ZNF276: variants seen among roughly 807,000 people sequenced by gnomAD.
ZNF276 encodes zinc finger protein 276.
Under a neutral mutation model 63.9 loss-of-function variants are expected in ZNF276, and 59 were observed. The ratio of observed to expected loss-of-function variants is 0.92; its 90% CI spans 0.75 to 1.15. The LOEUF (loss-of-function observed/expected upper bound fraction) is 1.15, where lower values mean the gene tolerates loss of function less well. Ranked by LOEUF, ZNF276 falls within the 50% of genes most tolerant of loss-of-function variation. ZNF276 has a pLI of 0.00. For missense variants in ZNF276, 1,084 were observed against 843.8 expected (o/e 1.28, Z -3.53); for synonymous variants, 496 against 348.4 (o/e 1.42, Z -4.72).
Position 89,740,735 on chromosome 16 carries a change from C to T in ZNF276, c.*2489C>T. The T allele has an allele frequency of 2.9e-6, 4 of 1,365,234 alleles. No homozygotes were observed. The highest frequency in any genetic ancestry group is 3.1e-6 in the Non-Finnish European group (3 of 962,178). 84.6% of individuals were successfully genotyped at this position (1,365,234 alleles called of 1,614,324 possible). A position where few individuals can be genotyped will look rare whatever the true frequency, so the allele number is the denominator to read the frequency against. On this transcript the variant is annotated 3_prime_UTR_variant, in exon 11 of 11. Coordinates refer to ENST00000443381, the MANE Select transcript of ZNF276 (RefSeq NM_001113525.2). ...TAGTCTGGAAACCCTGACTTGGAAG[C>T]TGGCTGCCTGGTGCCCCTGCCTGGC... is the stretch of plus-strand genomic sequence containing the variant.
At chr16:89,733,189 C>A in intron 6 of ZNF276, 113 bp from the exon 7 acceptor site, 1 of 1,015,174 alleles carries the variant, frequency 9.9e-7, no homozygotes, top group Non-Finnish European at 1.5e-6. Context: ...TCAGTCAGCA[C>A]AGAAGCAACT....
In ZNF276 at chr16:89,722,615, G is replaced by A; in HGVS notation, c.290G>A (p.Arg97Lys). The change falls in exon 2 of 11, where the codon AGG becomes AAG. Residue 97 changes from arginine to lysine, a missense_variant. Coordinates refer to ENST00000443381, the MANE Select transcript of ZNF276 (RefSeq NM_001113525.2). ...AGAAGCCTGCGCAGCATCTCCGAGAGGGCGCCTGGAGCGAGCATGGAGAGG... is the reference window on the plus strand; with the variant it reads ...AGAAGCCTGCGCAGCATCTCCGAGAAGGCGCCTGGAGCGAGCATGGAGAGG... ...SSRSLRSISE[R>K]APGASMERPS... 6.2e-7 allele frequency: 1 copy of A among 1,612,078 alleles called. No homozygotes were observed. Among genetic ancestry groups the A allele is most frequent in the Non-Finnish European group, 8.5e-7 (1 of 1,180,024 alleles).
At position 89,723,301 on chromosome 16, in the gene ZNF276, G is replaced by A; in HGVS notation, c.598G>A (p.Val200Met). 1 of 1,613,056 alleles carries A rather than the reference G, an allele frequency of 6.2e-7. No individual in the cohort carries two copies. The highest frequency in any genetic ancestry group is 1.6e-4 in the Middle Eastern group (1 of 6,062). The change falls in exon 4 of 11, where the codon GTG becomes ATG. Residue 200 changes from valine to methionine, a missense_variant. Physicochemically the swap from Val to Met is conservative, Grantham distance 21 (BLOSUM62 1). Transcript: ENST00000443381. ...CAGCCCCCAGTGCCTGCACGGCTTGGTGGGGTGGGTGCATGGACATGCGGC... is the reference window on the plus strand; with the variant it reads ...CAGCCCCCAGTGCCTGCACGGCTTGATGGGGTGGGTGCATGGACATGCGGC... Reference protein sequence around the residue: ...TSSPQCLHGLVGWVHGHAASC... With the variant: ...TSSPQCLHGLMGWVHGHAASC...
intron 4 of ZNF276, among the ~76,000 whole-genome samples, chr16:89,726,678 G>A (rs767008291): frequency 6.0e-5 from 9 of 150,588 alleles, no homozygotes; most frequent in Non-Finnish European, 1.0e-4. Flanking sequence ...TCGGAGTCTT[G>A]CTCTTTTGCC....
intron 6 of ZNF276, among the ~76,000 whole-genome samples, chr16:89,731,171 CAT>C (rs1408057075): frequency 6.6e-6 from 1 of 152,218 alleles, no homozygotes; most frequent in Non-Finnish European, 1.5e-5. Context: ...GTGAGGGGGA[CAT>C]GTGGCTAGGT....
rs1392995048 is a variant in ZNF276, at chr16:89,721,689, C to T, written c.49C>T (p.Gln17Ter). The T allele has an allele frequency of 7.1e-7, 1 of 1,401,806 alleles. No homozygotes were observed. The highest frequency in any genetic ancestry group is 9.3e-7 in the Non-Finnish European group (1 of 1,080,118). 86.8% of individuals were successfully genotyped at this position (1,401,806 alleles called of 1,614,324 possible). ...CTTCCTGTCTCCTGGGTCGTCCCGACAGTGCGGGGCCTCGGACGGCGGCGG... is the reference window on the plus strand; with the variant it reads ...CTTCCTGTCTCCTGGGTCGTCCCGATAGTGCGGGGCCTCGGACGGCGGCGG... ...GRFLSPGSSRQCGASDGGGGV... is the reference protein window; with the variant it reads ...GRFLSPGSSR Residue 17 changes from glutamine to a stop codon, truncating the protein, a stop_gained, in exon 1 of 11, where the codon CAG (glutamine) becomes TAG (stop). Coordinates refer to ENST00000443381, the MANE Select transcript of ZNF276 (RefSeq NM_001113525.2). LOFTEE classifies it high-confidence loss of function.
intron 9 of ZNF276, among the ~76,000 whole-genome samples, chr16:89,734,400 A>G (rs966045206): frequency 3.3e-5 from 5 of 152,256 alleles, no homozygotes; most frequent in African/African-American, 1.2e-4. Context: ...ATCTTGGCTC[A>G]CCACAACCTC....
At chr16:89,729,365 T>C in intron 6 of ZNF276, 47 bp downstream of exon 6, 1 of 1,542,946 alleles carries the variant, frequency 6.5e-7, no homozygotes, top group African/African-American at 1.4e-5. Flanking sequence ...TTGGGCGACC[T>C]AGACACCCGC....
Position 89,733,420 on chromosome 16 carries a change from C to T in ZNF276, c.1280+8C>T. ...GAAGCTTCGTTGTGAGAGGTGATGC[C>T]TGCAACGCGAGGCTCGCCCTGCCTG... is the stretch of plus-strand genomic sequence containing the variant. On this transcript the variant is annotated splice_region_variant and intron_variant, in intron 7 of 10. Coordinates refer to ENST00000443381, the MANE Select transcript of ZNF276 (RefSeq NM_001113525.2). 1 of 1,614,152 alleles carries T rather than the reference C, an allele frequency of 6.2e-7. No homozygotes were observed. The highest frequency in any genetic ancestry group is 8.5e-7 in the Non-Finnish European group (1 of 1,180,010).
Position 89,738,789 on chromosome 16 carries a change from C to G in ZNF276, c.*543C>G, listed in dbSNP as rs750141209. 3.1e-6 allele frequency: 5 copies of G among 1,612,964 alleles called. No individual in the cohort carries two copies. In the African/African-American group the frequency reaches 4.0e-5, roughly 13 times the overall value. On this transcript the variant is annotated 3_prime_UTR_variant, in exon 11 of 11. Coordinates refer to ENST00000443381, the MANE Select transcript of ZNF276 (RefSeq NM_001113525.2). The stretch of plus-strand genomic sequence containing the variant: ...GGGGAGGGGCTCTGGCAGAAATAGT[C>G]GAGTTGTATTGCCAGCCAGGCAGGC...
Position 89,739,604 on chromosome 16 carries a change from T to G in ZNF276, c.*1358T>G. ...CAACTCTGGACATCTCTGCCTATTA[T>G]CAGTGCTGGGGACACCCCTGGGGGT... is the stretch of plus-strand genomic sequence containing the variant. On this transcript the variant is annotated 3_prime_UTR_variant, in exon 11 of 11. Transcript: ENST00000443381. 1 of 1,540,952 alleles carries G rather than the reference T, an allele frequency of 6.5e-7. No homozygotes were observed. The highest frequency in any genetic ancestry group is 1.2e-5 in the South Asian group (1 of 83,858).
Position 89,740,496 on chromosome 16 carries a change from G to A in ZNF276, c.*2250G>A. 2.1e-6 allele frequency: 1 copy of A among 480,634 alleles called. No individual in the cohort carries two copies. The highest frequency in any genetic ancestry group is 3.7e-6 in the Non-Finnish European group (1 of 266,770). 29.8% of individuals were successfully genotyped at this position (480,634 alleles called of 1,614,324 possible). A position where few individuals can be genotyped will look rare whatever the true frequency, so the allele number is the denominator to read the frequency against. On this transcript the variant is annotated 3_prime_UTR_variant, in exon 11 of 11. Transcript: ENST00000443381. ...CTAAAAATACAAAAATTAGCCGGGTGTGACAGACTCACGCCTGTAATCCCA... is the reference window on the plus strand; with the variant it reads ...CTAAAAATACAAAAATTAGCCGGGTATGACAGACTCACGCCTGTAATCCCA...
chr16:89,722,051 C>A (rs990823441), intron 1 of ZNF276, among the ~76,000 whole-genome samples: 2 of 152,148 alleles, frequency 1.3e-5, no homozygotes, highest in African/African-American at 4.8e-5. Context: ...GCCCGGCCTC[C>A]CCGGCCGCGG....
Position 89,729,276 on chromosome 16 carries a change from C to T in ZNF276, c.1127C>T (p.Ala376Val), listed in dbSNP as rs757954711. The T allele has an allele frequency of 6.2e-7, 1 of 1,614,120 alleles. No individual in the cohort carries two copies. The highest frequency in any genetic ancestry group is 1.3e-5 in the African/African-American group (1 of 75,040). ...GATGAAAATGACAAGAAGCAAAATG[C>T]CCAGTCTTCGGACGAGTCCTTTGAG... Reference protein sequence around the residue: ...SEDENDKKQNAQSSDESFEPY... With the variant: ...SEDENDKKQNVQSSDESFEPY... Residue 376 changes from alanine (A) to valine (V), a missense_variant, in exon 6 of 11, where the codon GCC becomes GTC. Transcript: ENST00000443381.
In ZNF276 at chr16:89,739,737, G is replaced by A. The variant is rs573711503; in HGVS notation, c.*1491G>A. 1.6e-5 allele frequency: 24 copies of A among 1,492,946 alleles called. No individual in the cohort carries two copies. The East Asian group carries it at 1.7e-4, about 11-fold the overall frequency. The allele number at this position is 1,492,946 out of a possible 1,614,324, so 92.5% of individuals were successfully genotyped here. On this transcript the variant is annotated 3_prime_UTR_variant, in exon 11 of 11. Coordinates refer to ENST00000443381, the MANE Select transcript of ZNF276 (RefSeq NM_001113525.2). ...GCAGCTGGGAGAGGATGGGGGGGTC[G>A]ACCTCTTGCAGGAGGGTGGGTGTGG...
intron 6 of ZNF276, 68 bp downstream of exon 6, chr16:89,729,386 G>C (rs1006597987): frequency 2.8e-5 from 39 of 1,413,228 alleles, no homozygotes; most frequent in South Asian, 3.5e-5. Context: ...CTGTGCTCCA[G>C]GGCCTCTCCC....
At chr16:89,721,370 C>G (rs1597952249), upstream of ZNF276, 1 of 351,020 alleles carries the variant, frequency 2.8e-6, no homozygotes, top group South Asian at 9.0e-5. Context: ...CCCAGGCCAG[C>G]GCTCCATTGG....
chr16:89,737,966 T>C lies in ZNF276; in HGVS notation c.1575-10T>C. On this transcript the variant is annotated splice_polypyrimidine_tract_variant and intron_variant, in intron 10 of 10. Coordinates refer to ENST00000443381, the MANE Select transcript of ZNF276 (RefSeq NM_001113525.2). ...GCCCTCGCACCTTCTTATCTGCCTCTGTCCCCCAGGTGTGAGGTCTGTGGG... is the reference window on the plus strand; with the variant it reads ...GCCCTCGCACCTTCTTATCTGCCTCCGTCCCCCAGGTGTGAGGTCTGTGGG... 6.2e-7 allele frequency: 1 copy of C among 1,614,118 alleles called. No individual in the cohort carries two copies. Among genetic ancestry groups the C allele is most frequent in the South Asian group, 1.1e-5 (1 of 91,080 alleles).
rs758005627 is a variant in ZNF276 at position 89,723,355 on chromosome 16, A to C, written c.652A>C (p.Arg218=). Residue 218 remains arginine, a synonymous_variant, in exon 4 of 11, where the codon AGG becomes CGG. Coordinates refer to ENST00000443381, the MANE Select transcript of ZNF276 (RefSeq NM_001113525.2). The part of the protein sequence containing the change: ...ASCGALPHLQ[R]TLSSEYCGVI... ...CTGCGGGGCCCTGCCCCACCTTCAG[A>C]GGACACTGTCCTCCGAGTACTGCGG... 6.2e-7 allele frequency: 1 copy of C among 1,613,020 alleles called. No individual in the cohort carries two copies. The highest frequency in any genetic ancestry group is 2.2e-5 in the East Asian group (1 of 44,872).
Sources: allele counts gnomAD v4.1 joint callset (sites outside exome capture counted in the v4.1 genomes callset), GRCh38; gene constraint gnomAD v4.1.1; transcripts MANE v1.5; gene names NCBI Gene and HGNC (gene_info 2026-07-23, HGNC 2026-07-21).